Variants in HHAT observed in about 807,000 individuals in gnomAD.
The protein encoded by HHAT is hedgehog acyltransferase.
Under a neutral mutation model 70.8 loss-of-function variants are expected in HHAT, and 47 were observed. That is an observed-to-expected ratio of 0.66 (90% CI 0.53 to 0.85). HHAT has a LOEUF of 0.85. Ranked by LOEUF, HHAT falls within the 40% of genes least tolerant of loss-of-function variation. HHAT has a pLI of 0.00. For synonymous variants in HHAT, 228 were observed against 247.6 expected, an observed-to-expected ratio of 0.92 and a Z score of 0.74; for missense variants, 609 against 604.8, an observed-to-expected ratio of 1.01 and a Z score of -0.07.
chr1:210,349,020 A>C lies in HHAT; in HGVS notation c.45A>C (p.Leu15=). The C allele has an allele frequency of 6.2e-7, 1 of 1,614,096 alleles. No homozygotes were observed. Among genetic ancestry groups the C allele is most frequent in the South Asian group, 1.1e-5 (1 of 91,084 alleles). ...TGGCACTTTACCTACTTGCCTCACT[A>C]GGCTTCCACTTCTATTCCTTCTATG... The part of the protein sequence containing the change: ...WELALYLLAS[L]GFHFYSFYEV... Residue 15 remains leucine (L), a synonymous_variant, in exon 2 of 12, where the codon CTA becomes CTC. Transcript: ENST00000261458.
At chr1:210,584,021 G>A (rs1407956820) in intron 9 of HHAT, among the ~76,000 whole-genome samples, 1 of 122,038 alleles carries the variant, frequency 8.2e-6, no homozygotes, top group South Asian at 2.7e-4. Flanking sequence ...GGTACTTACT[G>A]CAACCTCCGC....
chr1:210,467,313 A>T (rs2094127261), intron 8 of HHAT, among the ~76,000 whole-genome samples: 1 of 152,138 alleles, frequency 6.6e-6, no homozygotes, highest in Admixed American at 6.5e-5. Context: ...TAACAATTAG[A>T]GTGTCTCTTT....
intron 7 of HHAT, among the ~76,000 whole-genome samples, chr1:210,437,514 G>C (rs1425126910): frequency 6.6e-6 from 1 of 151,856 alleles, no homozygotes; most frequent in Non-Finnish European, 1.5e-5. Flanking sequence ...TAGGGACTCA[G>C]CTGTGCTAGT....
intron 11 of HHAT, among the ~76,000 whole-genome samples, chr1:210,623,882 G>A (rs185847460): frequency 6.6e-6 from 1 of 152,270 alleles, no homozygotes; most frequent in Admixed American, 6.5e-5. Flanking sequence ...TCTCCTGTAT[G>A]TGATACTTGT....
chr1:210,367,907 T>TCCCCCA (rs2089161234), intron 3 of HHAT, among the ~76,000 whole-genome samples: 1 of 116,290 alleles, frequency 8.6e-6, no homozygotes, highest in South Asian at 3.6e-4. Context: ...TAAAAGCCCC[T>TCCCCCA]CCCCCACCCC....
At chr1:210,465,895 T>C (rs896978379) in intron 8 of HHAT, among the ~76,000 whole-genome samples, 3 of 151,118 alleles carry the variant, frequency 2.0e-5, no homozygotes, top group African/African-American at 7.3e-5. Flanking sequence ...TTGCAAGGAA[T>C]GAATTGCAAG....
At chr1:210,613,738 C>T (rs1175287256) in intron 10 of HHAT, among the ~76,000 whole-genome samples, 2 of 152,196 alleles carry the variant, frequency 1.3e-5, no homozygotes, top group African/African-American at 4.8e-5. Flanking sequence ...TTCTTCCCAA[C>T]TGGGTGCAGT....
intron 1 of HHAT, among the ~76,000 whole-genome samples, chr1:210,346,463 AAATT>A (rs1326829727): frequency 1.3e-5 from 2 of 152,272 alleles, no homozygotes; most frequent in Non-Finnish European, 2.9e-5. Flanking sequence ...ATTTAAAAAT[AAATT>A]GTGAATAGAA....
chr1:210,503,757 A>G (rs977840162), intron 8 of HHAT, among the ~76,000 whole-genome samples: 3 of 151,642 alleles, frequency 2.0e-5, no homozygotes, highest in Admixed American at 2.0e-4. Context: ...CAATGAAGCT[A>G]CTCCTCAAAG....
At chr1:210,583,538 T>C (rs1167240821) in intron 9 of HHAT, among the ~76,000 whole-genome samples, 1 of 152,222 alleles carries the variant, frequency 6.6e-6, no homozygotes, top group African/African-American at 2.4e-5. Flanking sequence ...TGACAGAAGA[T>C]GGTAGAATTT....
intron 3 of HHAT, chr1:210,374,154 C>G (rs995843256): frequency 3.9e-5 from 6 of 152,288 alleles, no homozygotes; most frequent in Non-Finnish European, 8.8e-5. Flanking sequence ...AAAACATGAT[C>G]TGCCTCCCCA....
intron 11 of HHAT, among the ~76,000 whole-genome samples, chr1:210,627,978 A>G (rs1324348090): frequency 1.3e-5 from 2 of 152,230 alleles, no homozygotes; most frequent in East Asian, 3.9e-4. Flanking sequence ...ACTTGTTAAT[A>G]GAAGGAGCTT....
At chr1:210,437,454 T>G (rs2093404970) in intron 7 of HHAT, among the ~76,000 whole-genome samples, 1 of 151,780 alleles carries the variant, frequency 6.6e-6, no homozygotes, top group Non-Finnish European at 1.5e-5. Context: ...AGAGGTCTAG[T>G]GTAATCAGCC....
intron 10 of HHAT, among the ~76,000 whole-genome samples, chr1:210,613,950 G>T (rs1459525074): frequency 6.8e-6 from 1 of 147,926 alleles, no homozygotes; most frequent in Non-Finnish European, 1.5e-5. Flanking sequence ...AGCCCAGGAA[G>T]TCTAAGCTGC....
At chr1:210,499,161 C>T (rs543667463) in intron 8 of HHAT, among the ~76,000 whole-genome samples, 105 of 152,308 alleles carry the variant, frequency 6.9e-4, no homozygotes, top group African/African-American at 2.4e-3. Context: ...TATCACACTG[C>T]CTTGAACCTC....
chr1:210,624,849 C>T (rs892512631), intron 11 of HHAT, among the ~76,000 whole-genome samples: 1 of 152,224 alleles, frequency 6.6e-6, no homozygotes, highest in Non-Finnish European at 1.5e-5. Flanking sequence ...GTTCCCTGCC[C>T]AGTGACACAG....
chr1:210,422,599 G>A (rs1312102593), intron 7 of HHAT, among the ~76,000 whole-genome samples: 1 of 151,982 alleles, frequency 6.6e-6, no homozygotes, highest in African/African-American at 2.4e-5. Flanking sequence ...CTTTTTTATG[G>A]TGGCATGGTA....
At chr1:210,442,639 T>C (rs926955136) in intron 7 of HHAT, among the ~76,000 whole-genome samples, 2 of 152,372 alleles carry the variant, frequency 1.3e-5, no homozygotes, top group African/African-American at 2.4e-5. Context: ...TTCGGCTGCA[T>C]AGATGTCTTC....
chr1:210,432,332 G>A (rs571653555), intron 7 of HHAT, among the ~76,000 whole-genome samples: 16 of 151,876 alleles, frequency 1.1e-4, no homozygotes, highest in African/African-American at 3.9e-4. Flanking sequence ...AGTCAGTAAC[G>A]AATGAGAAGG....
Sources: allele counts gnomAD v4.1 joint callset (sites outside exome capture counted in the v4.1 genomes callset), GRCh38; gene constraint gnomAD v4.1.1; transcripts MANE v1.5; gene names NCBI Gene and HGNC (gene_info 2026-07-23, HGNC 2026-07-21).